The following EEF1A1 variants were observed in gnomAD, a reference collection of about 807,000 sequenced individuals.
EEF1A1 encodes the protein eukaryotic translation elongation factor 1 alpha 1, also known as elongation factor 1-alpha 1.
Under a neutral mutation model 38.5 loss-of-function variants are expected in EEF1A1, and 1 was observed. The ratio of observed to expected loss-of-function variants is 0.03; its 90% CI spans 0.01 to 0.12. EEF1A1 has a LOEUF of 0.12. EEF1A1 is among the 10% of genes least tolerant of loss of function. The pLI, the probability that EEF1A1 is intolerant of heterozygous loss-of-function variation, is 1.00. For missense variants in EEF1A1, 184 were observed against 588.3 expected, an observed-to-expected ratio of 0.31 and a Z score of 7.11; for synonymous variants, 229 against 203.7, an observed-to-expected ratio of 1.12 and a Z score of -1.06.
At chr6:73,519,766 G>A in intron 2 of EEF1A1, 117 bp downstream of exon 2, 6 of 1,440,874 alleles carry the variant, frequency 4.2e-6, no homozygotes, top group East Asian at 2.3e-5. Context: ...TCATAAGTAA[G>A]GTCTTAACTA....
At chr6:73,520,085 A>C in intron 1 of EEF1A1, 29 bp from the exon 2 acceptor site, 1 of 1,563,204 alleles carries the variant, frequency 6.4e-7, no homozygotes, top group Non-Finnish European at 8.6e-7. Flanking sequence ...ACTTTGAACC[A>C]CTGTCTGAGG....
chr6:73,520,094 G>A, intron 1 of EEF1A1, 38 bp from the exon 2 acceptor site: 1 of 1,543,794 alleles, frequency 6.5e-7, no homozygotes, highest in Non-Finnish European at 8.7e-7. Flanking sequence ...CACTGTCTGA[G>A]GCTTGAGAAT....
chr6:73,516,909 G>A lies in EEF1A1; in HGVS notation c.*901C>T, dbSNP rs1765530429. 1.3e-5 allele frequency: 2 copies of A among 152,206 alleles called. No homozygotes were observed. The highest frequency in any genetic ancestry group is 4.8e-5 in the African/African-American group (2 of 41,448). The allele number at this position is 152,206 out of a possible 1,614,324, so 9.4% of individuals were successfully genotyped here. A position where few individuals can be genotyped will look rare whatever the true frequency, so the allele number is the denominator to read the frequency against. ...CAAAGCATAAAAGGTATTAGACTCT[G>A]CAGGAGAAAAGCAATGTAGATTAGT... On this transcript the variant is annotated 3_prime_UTR_variant, in exon 8 of 8. Transcript: ENST00000309268.
At chr6:73,518,675 A>T (rs757731358) in intron 5 of EEF1A1, 23 bp downstream of exon 5, 1 of 1,613,380 alleles carries the variant, frequency 6.2e-7, no homozygotes, top group Non-Finnish European at 8.5e-7. Flanking sequence ...ACTCAAATTC[A>T]ACTTTGTTTA....
At position 73,518,742 on chromosome 6, in the gene EEF1A1, T is replaced by C; in HGVS notation, c.728A>G (p.Asp243Gly). 1 of 1,614,200 alleles carries C rather than the reference T, an allele frequency of 6.2e-7. No individual in the cohort carries two copies. The highest frequency in any genetic ancestry group is 8.5e-7 in the Non-Finnish European group (1 of 1,180,042). Residue 243 changes from aspartate to glycine, a missense_variant, in exon 5 of 8, where the codon GAC (aspartate) becomes GGC (glycine). Transcript: ENST00000309268. ...DCILPPTRPT[D>G]KPLRLPLQDV... is the part of the protein sequence containing the mutation. ...CTGGAGAGGCAGGCGCAAGGGCTTG[T>C]CAGTTGGACGAGTTGGTGGTAGGAT...
In EEF1A1 at chr6:73,520,213, A is replaced by T; in HGVS notation, c.-30-157T>A. On this transcript the variant is annotated intron_variant, in intron 1 of 7. Coordinates refer to ENST00000309268, the MANE Select transcript of EEF1A1 (RefSeq NM_001402.6). ...ACTCAGTGTGGGGAAACTCCATCGC[A>T]TAAAACCCCTCCCCCCAACCTAAAG... 7 of 637,670 alleles carry T rather than the reference A, an allele frequency of 1.1e-5. No individual in the cohort carries two copies. The South Asian group carries it at 1.3e-4, about 12-fold the overall frequency. The allele number at this position is 637,670 out of a possible 1,614,324, so 39.5% of individuals were successfully genotyped here. A position where few individuals can be genotyped will look rare whatever the true frequency, so the allele number is the denominator to read the frequency against.
At chr6:73,518,884 A>T in intron 4 of EEF1A1, 36 bp from the exon 5 acceptor site, 1 of 1,611,256 alleles carries the variant, frequency 6.2e-7, no homozygotes, top group East Asian at 2.2e-5. Flanking sequence ...GTAAGCATGA[A>T]ATCGCCATTC....
At chr6:73,520,141 G>A (rs1015501650) in intron 1 of EEF1A1, 85 bp from the exon 2 acceptor site, 14 of 1,320,620 alleles carry the variant, frequency 1.1e-5, no homozygotes, top group Admixed American at 2.4e-5. Context: ...CAAATTCCAA[G>A]GAGAATTACA....
At chr6:73,519,762 G>C in intron 2 of EEF1A1, 121 bp downstream of exon 2, 2 of 1,424,180 alleles carry the variant, frequency 1.4e-6, no homozygotes, top group Non-Finnish European at 1.9e-6. Flanking sequence ...TATTTCATAA[G>C]TAAGGTCTTA....
At chr6:73,519,786 AG>A in intron 2 of EEF1A1, 96 bp downstream of exon 2, 1 of 1,526,420 alleles carries the variant, frequency 6.6e-7, no homozygotes, top group Non-Finnish European at 8.8e-7. Context: ...ATTAGCATTC[AG>A]ATCTAAACCA....
intron 2 of EEF1A1, 47 bp downstream of exon 2, chr6:73,519,836 G>C: frequency 6.2e-7 from 1 of 1,609,178 alleles, no homozygotes; most frequent in Non-Finnish European, 8.5e-7. Flanking sequence ...GATTCTGCTG[G>C]TAAAACTCAT....
rs1239640635 is a variant in EEF1A1, at chr6:73,515,887, T to C, written c.*1923A>G. 6.6e-6 allele frequency: 1 copy of C among 152,236 alleles called. No homozygotes were observed. The highest frequency in any genetic ancestry group is 2.4e-5 in the African/African-American group (1 of 41,462). The allele number at this position is 152,236 out of a possible 1,614,324, so 9.4% of individuals were successfully genotyped here. On this transcript the variant is annotated 3_prime_UTR_variant, in exon 8 of 8. Coordinates refer to ENST00000309268, the MANE Select transcript of EEF1A1 (RefSeq NM_001402.6). ...TCTCAGTATATGCAAGTAAACTGACTCATTCCTGCTTCCAGTGGGAACAAT... is the reference window on the plus strand; with the variant it reads ...TCTCAGTATATGCAAGTAAACTGACCCATTCCTGCTTCCAGTGGGAACAAT...
Position 73,516,902 on chromosome 6 carries a change from A to C in EEF1A1, c.*908T>G, listed in dbSNP as rs1008432473. On this transcript the variant is annotated 3_prime_UTR_variant, in exon 8 of 8. Coordinates refer to ENST00000309268, the MANE Select transcript of EEF1A1 (RefSeq NM_001402.6). ...TAATTATCAAAGCATAAAAGGTATT[A>C]GACTCTGCAGGAGAAAAGCAATGTA... The C allele has an allele frequency of 2.0e-5, 3 of 152,250 alleles. No individual in the cohort carries two copies. The highest frequency in any genetic ancestry group is 4.4e-5 in the Non-Finnish European group (3 of 68,044). The allele number at this position is 152,250 out of a possible 1,614,324, so 9.4% of individuals were successfully genotyped here.
rs964333308 is a variant in EEF1A1, at chr6:73,515,937, G to C, written c.*1873C>G. 2 of 152,130 alleles carry C rather than the reference G, an allele frequency of 1.3e-5. No individual in the cohort carries two copies. The highest frequency in any genetic ancestry group is 6.6e-5 in the Admixed American group (1 of 15,264). The allele number at this position is 152,130 out of a possible 1,614,324, so 9.4% of individuals were successfully genotyped here. On this transcript the variant is annotated 3_prime_UTR_variant, in exon 8 of 8. Transcript: ENST00000309268. ...TTTTTCAGTTAAATCTTGCTTCCTT[G>C]CATGTCAAGAATTCTCTACTGGTAA...
At chr6:73,519,735 G>T in intron 2 of EEF1A1, 148 bp downstream of exon 2, 1 of 1,265,236 alleles carries the variant, frequency 7.9e-7, no homozygotes, top group Non-Finnish European at 1.1e-6. Context: ...GATTACAGAA[G>T]TCACCAAAAG....
In EEF1A1 at chr6:73,517,153, C is replaced by T. The variant is rs919583398; in HGVS notation, c.*657G>A. On this transcript the variant is annotated 3_prime_UTR_variant, in exon 8 of 8. Coordinates refer to ENST00000309268, the MANE Select transcript of EEF1A1 (RefSeq NM_001402.6). ...AACTTTCACTGCCCAGTCATTTTAA[C>T]CCACGTTTCAACATGCACATCCCAG... is the stretch of plus-strand genomic sequence containing the variant. The T allele has an allele frequency of 6.6e-6, 1 of 152,268 alleles. No individual in the cohort carries two copies. Among genetic ancestry groups the T allele is most frequent in the African/African-American group, 2.4e-5 (1 of 41,444 alleles). The allele number at this position is 152,268 out of a possible 1,614,324, so 9.4% of individuals were successfully genotyped here.
chr6:73,518,726 C>T lies in EEF1A1; in HGVS notation c.744G>A (p.Leu248=). 1 of 1,614,110 alleles carries T rather than the reference C, an allele frequency of 6.2e-7. No homozygotes were observed. The highest frequency in any genetic ancestry group is 8.5e-7 in the Non-Finnish European group (1 of 1,179,994). The change falls in exon 5 of 8, where the codon CTG becomes CTA. Residue 248 remains leucine, a synonymous_variant. Transcript: ENST00000309268. ...CAATTTTGTAGACATCCTGGAGAGG[C>T]AGGCGCAAGGGCTTGTCAGTTGGAC... ...PTRPTDKPLR[L]PLQDVYKIGG...
chr6:73,518,660 T>C (rs764464376), intron 5 of EEF1A1, 38 bp downstream of exon 5: 3 of 1,613,248 alleles, frequency 1.9e-6, no homozygotes, highest in Admixed American at 3.3e-5. Context: ...GACAGTACTC[T>C]ATCAACTCAA....
chr6:73,520,064 G>C lies in EEF1A1; in HGVS notation c.-30-8C>G. The C allele has an allele frequency of 6.3e-7, 1 of 1,575,756 alleles. No individual in the cohort carries two copies. Among genetic ancestry groups the C allele is most frequent in the Non-Finnish European group, 8.5e-7 (1 of 1,172,530 alleles). ...GGGTAGTTTTCACGACACCTGAAAT[G>C]GAAGAAAAAAACTTTGAACCACTGT... On this transcript the variant is annotated splice_region_variant and splice_polypyrimidine_tract_variant and intron_variant, in intron 1 of 7. Transcript: ENST00000309268.
Sources: allele counts gnomAD v4.1 joint callset, GRCh38; gene constraint gnomAD v4.1.1; transcripts MANE v1.5; gene names NCBI Gene and HGNC (gene_info 2026-07-23, HGNC 2026-07-21).